Variants in ZNF831 observed in about 807,000 individuals in gnomAD.
ZNF831 encodes the protein zinc finger protein 831.
ZNF831 carries 59 observed loss-of-function variants against 95.8 expected under a neutral mutation model. That is an observed-to-expected ratio of 0.62 (90% confidence interval 0.50 to 0.77). ZNF831 has a LOEUF of 0.77. Among genes scored for constraint, ZNF831 ranks in the 30% least tolerant of loss-of-function variants. The pLI, the probability that ZNF831 is intolerant of heterozygous loss-of-function variation, is 0.00. For missense variants in ZNF831, 2,205 were observed against 2,164.0 expected (o/e 1.02, Z -0.38); for synonymous variants, 961 against 925.5 (o/e 1.04, Z -0.70).
rs1988111922 is a variant in ZNF831, at chr20:59,255,014, A to G, written c.*271A>G. The G allele has an allele frequency of 2.8e-6, 1 of 359,392 alleles. No individual in the cohort carries two copies. 22.3% of individuals were successfully genotyped at this position (359,392 alleles called of 1,614,324 possible). A position where few individuals can be genotyped will look rare whatever the true frequency, so the allele number is the denominator to read the frequency against. On this transcript the variant is annotated 3_prime_UTR_variant, in exon 6 of 6. Transcript: ENST00000371030. ...AGGAAGCAAACTCTGCAAATGGTCA[A>G]CGTGCACAGTGACTGGGCCTTGACT...
chr20:59,166,340 C>T (rs755774504), intron 1 of ZNF831, among the ~76,000 whole-genome samples: 4 of 152,054 alleles, frequency 2.6e-5, no homozygotes, highest in African/African-American at 7.2e-5. Flanking sequence ...ATTCTATTTA[C>T]GTATTTATTA....
intron 2 of ZNF831, among the ~76,000 whole-genome samples, chr20:59,152,371 C>T (rs965970385): frequency 6.6e-6 from 1 of 151,882 alleles, no homozygotes; most frequent in Non-Finnish European, 1.5e-5. Context: ...GAGGAGGCAG[C>T]GAGTAGGTGG....
At chr20:59,238,728 T>C (rs1450009270) in intron 4 of ZNF831, among the ~76,000 whole-genome samples, 1 of 152,234 alleles carries the variant, frequency 6.6e-6, no homozygotes. Context: ...AGATGAGATC[T>C]TATATACAGG....
At chr20:59,249,830 C>T in intron 4 of ZNF831, among the ~76,000 whole-genome samples, 1 of 152,024 alleles carries the variant, frequency 6.6e-6, no homozygotes, top group East Asian at 1.9e-4. Context: ...TTTACCTCAG[C>T]TTTTCTCTAA....
intron 1 of ZNF831, among the ~76,000 whole-genome samples, chr20:59,145,912 G>A (rs371528368): frequency 4.6e-5 from 7 of 152,288 alleles, no homozygotes; most frequent in African/African-American, 1.7e-4. Flanking sequence ...AGAGGTGCAA[G>A]GGGAAAGAGT....
rs897773778 is a variant in ZNF831, at chr20:59,192,695, G to A, written c.1676G>A (p.Arg559Gln). Reference protein sequence around the residue: ...SSTDVPSGHPRALVRQAAVED... With the variant: ...SSTDVPSGHPQALVRQAAVED... ...ACTGACGTTCCCAGTGGGCATCCCC[G>A]GGCCCTGGTCAGACAGGCCGCGGTG... The change falls in exon 2 of 6, where the codon CGG (arginine) becomes CAG (glutamine). Residue 559 changes from arginine (R) to glutamine (Q), a missense_variant. By Grantham distance (43) the Arg-to-Gln change is conservative. Coordinates refer to ENST00000371030, the MANE Select transcript of ZNF831 (RefSeq NM_178457.3). The surrounding 1 kb of genome is among the most constrained non-coding windows in gnomAD (Gnocchi z 5.2). 6.3e-7 allele frequency: 1 copy of A among 1,582,690 alleles called. No homozygotes were observed. The highest frequency in any genetic ancestry group is 1.1e-5 in the South Asian group (1 of 87,322).
intron 4 of ZNF831, among the ~76,000 whole-genome samples, chr20:59,240,828 TAAA>T (rs998357680): frequency 1.3e-5 from 2 of 151,934 alleles, no homozygotes; most frequent in African/African-American, 4.8e-5. Flanking sequence ...AATAAATAAA[TAAA>T]AATATTTCTA....
chr20:59,150,087 C>T (rs1029408696), intron 2 of ZNF831, among the ~76,000 whole-genome samples: 86 of 152,198 alleles, frequency 5.7e-4, no homozygotes, highest in African/African-American at 1.9e-3. Flanking sequence ...CGTGGCCTCA[C>T]GTTCACAATG....
At chr20:59,138,455 G>A (rs902646608) in intron 1 of ZNF831, among the ~76,000 whole-genome samples, 2 of 152,182 alleles carry the variant, frequency 1.3e-5, no homozygotes, top group Non-Finnish European at 2.9e-5. Flanking sequence ...CCCGTCCCCT[G>A]ATCACTGTGC....
chr20:59,174,895 C>A (rs1350226363), intron 1 of ZNF831, among the ~76,000 whole-genome samples: 1 of 152,040 alleles, frequency 6.6e-6, no homozygotes, highest in African/African-American at 2.4e-5. Flanking sequence ...GTTTAGAGAA[C>A]TTTCATTCTT....
At chr20:59,135,247 A>G (rs1349602175) in intron 1 of ZNF831, among the ~76,000 whole-genome samples, 1 of 152,188 alleles carries the variant, frequency 6.6e-6, no homozygotes, top group Non-Finnish European at 1.5e-5. Context: ...CAGGAATAGC[A>G]TGTCTCAGCT....
At chr20:59,243,274 A>G (rs977993716) in intron 4 of ZNF831, among the ~76,000 whole-genome samples, 1 of 152,228 alleles carries the variant, frequency 6.6e-6, no homozygotes. Context: ...GAAGTTATCA[A>G]CGCAGCTGCC....
chr20:59,238,604 A>G lies in ZNF831; in HGVS notation c.4028-14374A>G, dbSNP rs370192001. ...TGCTTTCTTTGTTTTCAAAGCTAATACATGGAAGAAGAAGGCTTAACTTTC... is the reference window on the plus strand; with the variant it reads ...TGCTTTCTTTGTTTTCAAAGCTAATGCATGGAAGAAGAAGGCTTAACTTTC... On this transcript the variant is annotated intron_variant, in intron 4 of 5. Coordinates refer to ENST00000371030, the MANE Select transcript of ZNF831 (RefSeq NM_178457.3). Among the ~76,000 whole-genome samples, 7 of 152,352 alleles carry G rather than the reference A, an allele frequency of 4.6e-5. No homozygotes were observed. The South Asian group carries it at 1.2e-3, about 27-fold the overall frequency.
chr20:59,156,173 C>T lies in ZNF831; in HGVS notation c.-1280-3479C>T, dbSNP rs186501731. Among the ~76,000 whole-genome samples, 4 of 152,310 alleles carry T rather than the reference C, an allele frequency of 2.6e-5. No individual in the cohort carries two copies. In the East Asian group the frequency reaches 5.8e-4, roughly 22 times the overall value. On this transcript the variant is annotated intron_variant, in intron 2 of 7. Coordinates refer to the ZNF831 transcript ENST00000637017. ...AGACATATTCACCTCCCAAAGTTTCCTCTCGCCTCCTTTATTATTATCTGT... is the reference window on the plus strand; with the variant it reads ...AGACATATTCACCTCCCAAAGTTTCTTCTCGCCTCCTTTATTATTATCTGT...
chr20:59,236,629 C>T (rs1987016351), intron 4 of ZNF831, among the ~76,000 whole-genome samples: 1 of 149,270 alleles, frequency 6.7e-6, no homozygotes, highest in South Asian at 2.1e-4. Flanking sequence ...CTCTTGGGCT[C>T]AAGTGATCCC....
chr20:59,237,600 T>C (rs1181275867), intron 4 of ZNF831, among the ~76,000 whole-genome samples: 1 of 152,048 alleles, frequency 6.6e-6, no homozygotes, highest in African/African-American at 2.4e-5. Context: ...ATCCCAGGTG[T>C]TGGGATTATG....
chr20:59,219,188 T>C (rs1029704975), intron 4 of ZNF831, among the ~76,000 whole-genome samples: 1 of 152,138 alleles, frequency 6.6e-6, no homozygotes, highest in Non-Finnish European at 1.5e-5. Flanking sequence ...TGAGTGTCTT[T>C]TGAAGCCCCA....
intron 1 of ZNF831, among the ~76,000 whole-genome samples, chr20:59,167,428 CA>C (rs11477789): frequency 0.051 from 7,140 of 139,234 alleles, 504 homozygotes; most frequent in African/African-American, 0.17. Flanking sequence ...TTGCACAGAG[CA>C]AAAAAAAAAA....
intron 1 of ZNF831, among the ~76,000 whole-genome samples, chr20:59,131,026 G>A (rs892883072): frequency 9.2e-5 from 14 of 152,148 alleles, no homozygotes; most frequent in Non-Finnish European, 1.3e-4. Context: ...GTAAACATGA[G>A]ATGTGTCTCG....
Sources: gnomAD v4.1 joint callset for allele counts (sites outside exome capture counted in the v4.1 genomes callset) on GRCh38, gnomAD v4.1.1 for gene constraint, Gnocchi (gnomAD v3.1) non-coding constraint, MANE v1.5 for transcripts, NCBI Gene and HGNC (gene_info 2026-07-23, HGNC 2026-07-21) for gene names.